The following USP6NL variants were observed in gnomAD, a reference collection of about 807,000 sequenced individuals.
USP6NL encodes USP6 N-terminal-like protein.
USP6NL carries 26 observed loss-of-function variants against 61.9 expected under a neutral mutation model. The ratio of observed to expected loss-of-function variants is 0.42; its 90% CI spans 0.31 to 0.58. The LOEUF is 0.58. Among genes scored for constraint, USP6NL ranks in the 20% least tolerant of loss-of-function variants. USP6NL has a pLI of 0.16. For missense variants in USP6NL, 1,114 were observed against 1,034.3 expected (o/e 1.08, Z -1.06); for synonymous variants, 432 against 390.1 (o/e 1.11, Z -1.27).
chr10:11,498,598 C>T (rs1834046302), intron 7 of USP6NL, among the ~76,000 whole-genome samples: 1 of 152,034 alleles, frequency 6.6e-6, no homozygotes, highest in African/African-American at 2.4e-5. Flanking sequence ...TGAGGTAATT[C>T]CCATAGAGCA....
At chr10:11,502,288 C>A (rs1433686072) in intron 6 of USP6NL, among the ~76,000 whole-genome samples, 6 of 151,196 alleles carry the variant, frequency 4.0e-5, no homozygotes, top group Non-Finnish European at 1.5e-5. Flanking sequence ...ACATTTGTGT[C>A]ATCAACTCCC....
rs902097178 is a variant in USP6NL, at chr10:11,537,097, A to T, written c.5-9530T>A. On this transcript the variant is annotated intron_variant, in intron 2 of 14. Coordinates refer to ENST00000609104, the MANE Select transcript of USP6NL (RefSeq NM_014688.5). The surrounding 1 kb of genome is among the most constrained non-coding windows in gnomAD (Gnocchi z 5.1). ...TCCATACATATCTTCATATTCCTCC[A>T]GGTTTTGTTTTTGGGGGATTTTGTT... is the stretch of plus-strand genomic sequence containing the variant. Among the ~76,000 whole-genome samples the T allele has an allele frequency of 1.4e-4, 21 of 151,440 alleles. No individual in the cohort carries two copies. Among genetic ancestry groups the T allele is most frequent in the Admixed American group, 1.4e-3 (21 of 15,170 alleles).
chr10:11,530,117 A>AG (rs1337519412), intron 2 of USP6NL, among the ~76,000 whole-genome samples: 3 of 151,750 alleles, frequency 2.0e-5, no homozygotes, highest in Non-Finnish European at 4.4e-5. Context: ...AAAAAAAAAA[A>AG]AAAAAAAGAA....
At chr10:11,554,711 C>T in intron 2 of USP6NL, among the ~76,000 whole-genome samples, 1 of 144,938 alleles carries the variant, frequency 6.9e-6, no homozygotes, top group South Asian at 2.2e-4. Flanking sequence ...ATCTGATATC[C>T]AAGAAAAAAT....
At chr10:11,578,680 T>C (rs554791074) in intron 2 of USP6NL, among the ~76,000 whole-genome samples, 2 of 152,236 alleles carry the variant, frequency 1.3e-5, no homozygotes, top group African/African-American at 4.8e-5. Context: ...TTCATCAGGT[T>C]AGGGAAATCC....
At chr10:11,606,125 A>C (rs1838700202) in intron 1 of USP6NL, among the ~76,000 whole-genome samples, 1 of 152,222 alleles carries the variant, frequency 6.6e-6, no homozygotes, top group African/African-American at 2.4e-5. Flanking sequence ...GAAAACCATA[A>C]AAACAGCCTG....
chr10:11,494,691 C>A (rs1046770195), intron 7 of USP6NL, among the ~76,000 whole-genome samples: 4 of 152,140 alleles, frequency 2.6e-5, no homozygotes, highest in African/African-American at 4.8e-5. Flanking sequence ...CACGTGTCAA[C>A]TGGACAGGGG....
At chr10:11,523,143 A>C (rs1835275993) in intron 4 of USP6NL, among the ~76,000 whole-genome samples, 1 of 152,280 alleles carries the variant, frequency 6.6e-6, no homozygotes. Flanking sequence ...TAGCACAGAC[A>C]GTGAAAACAT....
rs1283062690 is a variant in USP6NL at position 11,481,657 on chromosome 10, T to A, written c.1078+113A>T. 1.5e-5 allele frequency: 17 copies of A among 1,154,234 alleles called. No individual in the cohort carries two copies. Among genetic ancestry groups the A allele is most frequent in the Non-Finnish European group, 1.7e-5 (15 of 868,932 alleles). 71.5% of individuals were successfully genotyped at this position (1,154,234 alleles called of 1,614,324 possible). On this transcript the variant is annotated intron_variant, in intron 14 of 14. Transcript: ENST00000609104. This position sits in a 1 kb window ranked among gnomAD's most constrained non-coding sequence, Gnocchi z 4.4. ...GCTGGTAAGGCATTCATCCACATTA[T>A]GTCATCACAAGTATAATGCTTACGC...
intron 2 of USP6NL, among the ~76,000 whole-genome samples, chr10:11,541,847 C>A (rs759983918): frequency 2.0e-5 from 3 of 152,106 alleles, no homozygotes; most frequent in Non-Finnish European, 4.4e-5. Flanking sequence ...ATGAAATGCA[C>A]TAAAGACAGA....
chr10:11,566,415 A>T (rs2133553597), intron 2 of USP6NL, among the ~76,000 whole-genome samples: 1 of 152,358 alleles, frequency 6.6e-6, no homozygotes, highest in Non-Finnish European at 1.5e-5. Flanking sequence ...TGTGTGCTTA[A>T]ATGGGGGCCA....
In USP6NL at chr10:11,518,510, T is replaced by C. The variant is rs1457926931; in HGVS notation, c.195+25A>G. The C allele has an allele frequency of 5.6e-6, 9 of 1,607,140 alleles. No homozygotes were observed. The highest frequency in any genetic ancestry group is 7.7e-6 in the Non-Finnish European group (9 of 1,175,506). On this transcript the variant is annotated intron_variant, in intron 5 of 14. Coordinates refer to ENST00000609104, the MANE Select transcript of USP6NL (RefSeq NM_014688.5). This position sits in a 1 kb window ranked among gnomAD's most constrained non-coding sequence, Gnocchi z 5.3. ...AATAAAGGCAATTCACCAGTAACTGTAAATACATCAAGAGCAGGACTTACC... is the reference window on the plus strand; with the variant it reads ...AATAAAGGCAATTCACCAGTAACTGCAAATACATCAAGAGCAGGACTTACC...
At chr10:11,501,079 CA>C in intron 7 of USP6NL, 21 bp downstream of exon 7, 1 of 1,520,832 alleles carries the variant, frequency 6.6e-7, no homozygotes, top group Non-Finnish European at 8.8e-7. Context: ...TTCAAAATAA[CA>C]AGTTAGCTTT....
chr10:11,597,270 T>C lies in USP6NL; in HGVS notation c.4+361A>G, dbSNP rs1838361635. On this transcript the variant is annotated intron_variant, in intron 2 of 14. Transcript: ENST00000609104. This position sits in a 1 kb window ranked among gnomAD's most constrained non-coding sequence, Gnocchi z 4.6. ...CAATATAACCCATGTTACTCAATGA[T>C]TAAATTTCACACAATAAAATCTCTA... Among the ~76,000 whole-genome samples the C allele has an allele frequency of 6.6e-6, 1 of 152,232 alleles. No individual in the cohort carries two copies. Among genetic ancestry groups the C allele is most frequent in the South Asian group, 2.1e-4 (1 of 4,832 alleles).
At chr10:11,606,309 GAA>G (rs1838705282) in intron 1 of USP6NL, among the ~76,000 whole-genome samples, 1 of 152,126 alleles carries the variant, frequency 6.6e-6, no homozygotes, top group Admixed American at 6.6e-5. Context: ...AAACAAGTTA[GAA>G]AACTTGTCAA....
Position 11,490,313 on chromosome 10 carries a change from C to T in USP6NL, c.543+519G>A, listed in dbSNP as rs1269134603. On this transcript the variant is annotated intron_variant, in intron 9 of 14. Transcript: ENST00000609104. The surrounding 1 kb of genome is among the most constrained non-coding windows in gnomAD (Gnocchi z 4.5). ...AATCTATCCCAGATTATCTTCTCCC[C>T]CAACAATGCTGAATGCCTTAAGAAG... Among the ~76,000 whole-genome samples the T allele has an allele frequency of 6.6e-6, 1 of 152,156 alleles. No individual in the cohort carries two copies. Among genetic ancestry groups the T allele is most frequent in the African/African-American group, 2.4e-5 (1 of 41,424 alleles).
intron 2 of USP6NL, among the ~76,000 whole-genome samples, chr10:11,578,039 A>G (rs1347262206): frequency 6.6e-6 from 1 of 152,096 alleles, no homozygotes; most frequent in East Asian, 1.9e-4. Context: ...TCCTCACTGC[A>G]ACCTCTGCCT....
At chr10:11,542,564 CA>C (rs1566169335) in intron 2 of USP6NL, among the ~76,000 whole-genome samples, 1 of 152,062 alleles carries the variant, frequency 6.6e-6, no homozygotes, top group Non-Finnish European at 1.5e-5. Flanking sequence ...ACTAAAAATA[CA>C]AAAGTTAGCC....
In USP6NL at chr10:11,463,224, C is replaced by A. The variant is rs751593624; in HGVS notation, c.1704G>T (p.Ala568=). ...ELDSGASVEE[A]LERAYSQSPR... The stretch of plus-strand genomic sequence containing the variant: ...GGCTCTGGGAGTAAGCCCTTTCCAG[C>A]GCCTCCTCCACGGAAGCGCCGCTGT... Residue 568 remains alanine (A), a synonymous_variant, in exon 15 of 15, where the codon GCG becomes GCT. Transcript: ENST00000609104. This position sits in a 1 kb window ranked among gnomAD's most constrained non-coding sequence, Gnocchi z 6.3. The A allele has an allele frequency of 1.2e-6, 2 of 1,613,334 alleles. No homozygotes were observed. Among genetic ancestry groups the A allele is most frequent in the South Asian group, 2.2e-5 (2 of 91,082 alleles).
Sources: allele counts gnomAD v4.1 joint callset (sites outside exome capture counted in the v4.1 genomes callset), GRCh38; gene constraint gnomAD v4.1.1; non-coding constraint Gnocchi (gnomAD v3.1); transcripts MANE v1.5; gene names NCBI Gene and HGNC (gene_info 2026-07-23, HGNC 2026-07-21).